Variants in ZKSCAN4 observed in about 807,000 individuals in gnomAD.
ZKSCAN4 encodes zinc finger protein with KRAB and SCAN domains 4.
Under a neutral mutation model 30.8 loss-of-function variants are expected in ZKSCAN4, and 23 were observed. The observed-to-expected ratio is 0.75, with a 90% CI of 0.54 to 1.06. The LOEUF is 1.06. Ranked by LOEUF, ZKSCAN4 falls within the 50% of genes least tolerant of loss-of-function variation. ZKSCAN4 has a pLI of 0.00. For synonymous variants in ZKSCAN4, 208 were observed against 252.5 expected (o/e 0.82, Z 1.67); for missense variants, 556 against 665.4 (o/e 0.84, Z 1.81).
rs1760546191 is a variant in ZKSCAN4, at chr6:28,242,875, T to C, written c.*2241A>G. Reference sequence around the variant, plus strand: ...TCCTCTACAGAGAAGACTTTTAGGCTTGGAGGCGCAGGAGTGAAAGGAGGC... The same window carrying C: ...TCCTCTACAGAGAAGACTTTTAGGCCTGGAGGCGCAGGAGTGAAAGGAGGC... On this transcript the variant is annotated 3_prime_UTR_variant, in exon 5 of 5. Transcript: ENST00000377294. Among the ~76,000 whole-genome samples, 1 of 152,200 alleles carries C rather than the reference T, an allele frequency of 6.6e-6. No homozygotes were observed. Among genetic ancestry groups the C allele is most frequent in the Non-Finnish European group, 1.5e-5 (1 of 68,028 alleles).
chr6:28,255,960 G>A (rs1761163232), upstream of ZKSCAN4, among the ~76,000 whole-genome samples: 1 of 152,122 alleles, frequency 6.6e-6, no homozygotes, highest in Non-Finnish European at 1.5e-5. Context: ...TGATTATGAA[G>A]GAAAATGTCC....
In ZKSCAN4 at chr6:28,245,358, C is replaced by T; in HGVS notation, c.1396G>A (p.Glu466Lys). 6.2e-7 allele frequency: 1 copy of T among 1,614,224 alleles called. No individual in the cohort carries two copies. Among genetic ancestry groups the T allele is most frequent in the Non-Finnish European group, 8.5e-7 (1 of 1,180,048 alleles). The change falls in exon 5 of 5, where the codon GAG becomes AAG. Residue 466 changes from glutamate (E) to lysine (K), a missense_variant. By Grantham distance (56) the Glu-to-Lys change is moderately conservative (BLOSUM62 1). This residue lies in a region of ZKSCAN4 where 433 missense variants were observed against 511.5 expected (regional missense o/e 0.85). Coordinates refer to ENST00000377294, the MANE Select transcript of ZKSCAN4 (RefSeq NM_019110.5). ...GTCCTACCCTGACTTTCCCAGGACTCCCCGTGCTCAGGATTCTGAACATTT... is the reference window on the plus strand; with the variant it reads ...GTCCTACCCTGACTTTCCCAGGACTTCCCGTGCTCAGGATTCTGAACATTT... Reference protein sequence around the residue: ...DKNVQNPEHGESWESQGRTES... With the variant: ...DKNVQNPEHGKSWESQGRTES...
rs763578574 is a variant in ZKSCAN4, at chr6:28,249,577, GCTCT to G, written c.571+106_571+109del. 1 of 1,286,328 alleles carries G rather than the reference GCTCT, an allele frequency of 7.8e-7. No homozygotes were observed. The highest frequency in any genetic ancestry group is 1.8e-5 in the South Asian group (1 of 56,294). The allele number at this position is 1,286,328 out of a possible 1,614,324, so 79.7% of individuals were successfully genotyped here. A position where few individuals can be genotyped will look rare whatever the true frequency, so the allele number is the denominator to read the frequency against. ...CTCTTAGTCTCAGTCTTAAAATACAGCTCTCTGTGATGAGTATATAAAGTAACTG... is the reference window on the plus strand; with the variant it reads ...CTCTTAGTCTCAGTCTTAAAATACAGCTGTGATGAGTATATAAAGTAACTG... On this transcript the variant is annotated intron_variant, in intron 2 of 4. Coordinates refer to ENST00000377294, the MANE Select transcript of ZKSCAN4 (RefSeq NM_019110.5). The surrounding 1 kb of genome is among the most constrained non-coding windows in gnomAD (Gnocchi z 4.1).
chr6:28,245,072 G>A lies in ZKSCAN4; in HGVS notation c.*44C>T, dbSNP rs1760640413. The A allele has an allele frequency of 1.2e-6, 2 of 1,613,718 alleles. No homozygotes were observed. Among genetic ancestry groups the A allele is most frequent in the Non-Finnish European group, 1.7e-6 (2 of 1,179,916 alleles). The stretch of plus-strand genomic sequence containing the variant: ...CATTAAGGGCTCCAGGGTGGCTTCA[G>A]TTCAGTGACAAATGAGCACCAATGT... On this transcript the variant is annotated 3_prime_UTR_variant, in exon 5 of 5. Transcript: ENST00000377294.
At position 28,245,935 on chromosome 6, in the gene ZKSCAN4, G is replaced by C. The variant is rs1581579321; in HGVS notation, c.819C>G (p.Val273=). The change falls in exon 5 of 5, where the codon GTC becomes GTG. Residue 273 remains valine (V), a synonymous_variant. Coordinates refer to ENST00000377294, the MANE Select transcript of ZKSCAN4 (RefSeq NM_019110.5). ...IQTKSRDLPP[V]KKLPEKEHGK... is the part of the protein sequence containing the mutation. ...CATGCTCCTTTTCTGGAAGCTTCTT[G>C]ACTGGAGGCAAGTCCCTGCTCTTAG... The C allele has an allele frequency of 1.2e-6, 2 of 1,614,170 alleles. No homozygotes were observed. The highest frequency in any genetic ancestry group is 4.5e-5 in the East Asian group (2 of 44,884).
At chr6:28,247,492 G>GAA (rs35330207) in intron 3 of ZKSCAN4, among the ~76,000 whole-genome samples, 2 of 151,878 alleles carry the variant, frequency 1.3e-5, no homozygotes, top group African/African-American at 4.8e-5. Flanking sequence ...AAAATTAGGG[G>GAA]AAAAAAAGGA....
chr6:28,257,900 A>G, the ZKSCAN4 span, among the ~76,000 whole-genome samples: 3 of 152,188 alleles, frequency 2.0e-5, no homozygotes, highest in Non-Finnish European at 4.4e-5. Context: ...AGACATATCC[A>G]TTTCATTGGC....
intron 4 of ZKSCAN4, among the ~76,000 whole-genome samples, chr6:28,246,592 T>C (rs1221342936): frequency 1.3e-5 from 2 of 152,104 alleles, no homozygotes; most frequent in African/African-American, 2.4e-5. Flanking sequence ...GTAGTTGATG[T>C]CTAAGGTTGC....
chr6:28,247,073 T>G lies in ZKSCAN4; in HGVS notation c.674A>C (p.Asp225Ala). Residue 225 changes from aspartate to alanine, a missense_variant, in exon 4 of 5, where the codon GAT becomes GCT. Asp to Ala is a moderately radical substitution (Grantham distance 126, BLOSUM62 -2). Transcript: ENST00000377294. ...PGSQGLLKME[D>A]VALTLTPGWT... ...CCCAGGAGTGAGGGTCAGGGCCACA[T>G]CTTCCATTTTCAGCAAACCCTAAAA... 6.2e-7 allele frequency: 1 copy of G among 1,610,070 alleles called. No individual in the cohort carries two copies. The highest frequency in any genetic ancestry group is 8.5e-7 in the Non-Finnish European group (1 of 1,178,246).
chr6:28,256,599 A>C (rs369632570), upstream of ZKSCAN4, among the ~76,000 whole-genome samples: 5 of 152,314 alleles, frequency 3.3e-5, no homozygotes, highest in East Asian at 3.9e-4. Flanking sequence ...TATTTCAAAA[A>C]CTGTCCCTAT....
rs1761024372 is a variant in ZKSCAN4 at position 28,251,943 on chromosome 6, G to T, written c.38C>A (p.Ala13Asp). ...CCCCGTCTGGTCTTCTGCAGACTGG[G>T]CGTCCAGGGCTGCGTTTTTTCTCGG... ...REPRKNAALDAQSAEDQTGLL... is the reference protein window; with the variant it reads ...REPRKNAALDDQSAEDQTGLL... The change falls in exon 1 of 5, where the codon GCC (alanine) becomes GAC (aspartate). Residue 13 changes from alanine to aspartate, a missense_variant. Coordinates refer to ENST00000377294, the MANE Select transcript of ZKSCAN4 (RefSeq NM_019110.5). This position sits in a 1 kb window ranked among gnomAD's most constrained non-coding sequence, Gnocchi z 4.5. 1 of 1,521,940 alleles carries T rather than the reference G, an allele frequency of 6.6e-7. No homozygotes were observed. The highest frequency in any genetic ancestry group is 8.8e-7 in the Non-Finnish European group (1 of 1,139,672). 94.3% of individuals were successfully genotyped at this position (1,521,940 alleles called of 1,614,324 possible). A position where few individuals can be genotyped will look rare whatever the true frequency, so the allele number is the denominator to read the frequency against.
At chr6:28,248,697 A>C (rs1204987286) in intron 2 of ZKSCAN4, among the ~76,000 whole-genome samples, 2 of 151,920 alleles carry the variant, frequency 1.3e-5, no homozygotes, top group African/African-American at 4.8e-5. Flanking sequence ...GTGTAGTGGC[A>C]TGGGCCTGTG....
chr6:28,251,864 C>A lies in ZKSCAN4; in HGVS notation c.117G>T (p.Val39=). ...KEEASALTAE[V]RAPCSPARGP... is the part of the protein sequence containing the mutation. Reference sequence around the variant, plus strand: ...CCCGAGCAGGGCTGCAGGGTGCTCTCACCTCCGCCGTCAAGGCGGAGGCTT... The same window carrying A: ...CCCGAGCAGGGCTGCAGGGTGCTCTAACCTCCGCCGTCAAGGCGGAGGCTT... Residue 39 remains valine (V), a synonymous_variant, in exon 1 of 5, where the codon GTG becomes GTT. Coordinates refer to ENST00000377294, the MANE Select transcript of ZKSCAN4 (RefSeq NM_019110.5). The surrounding 1 kb of genome is among the most constrained non-coding windows in gnomAD (Gnocchi z 4.5). 6.4e-7 allele frequency: 1 copy of A among 1,569,922 alleles called. No individual in the cohort carries two copies. Among genetic ancestry groups the A allele is most frequent in the Non-Finnish European group, 8.6e-7 (1 of 1,161,986 alleles).
At position 28,251,893 on chromosome 6, in the gene ZKSCAN4, CCTT is replaced by C. The variant is rs1761019199; in HGVS notation, c.85_87del (p.Lys29del). ...TCCGCCGTCAAGGCGGAGGCTTCCTCCTTCTCCACCTTCACGGTCAGGAGCCCC... is the reference window on the plus strand; with the variant it reads ...TCCGCCGTCAAGGCGGAGGCTTCCTCCTCCACCTTCACGGTCAGGAGCCCC... On this transcript the variant is annotated inframe_deletion, in exon 1 of 5. Transcript: ENST00000377294. This position sits in a 1 kb window ranked among gnomAD's most constrained non-coding sequence, Gnocchi z 4.5. 1.9e-6 allele frequency: 3 copies of C among 1,540,586 alleles called. No individual in the cohort carries two copies. Among genetic ancestry groups the C allele is most frequent in the African/African-American group, 1.4e-5 (1 of 72,116 alleles).
chr6:28,258,808 G>A, the ZKSCAN4 span, among the ~76,000 whole-genome samples: 9 of 151,220 alleles, frequency 6.0e-5, no homozygotes, highest in Non-Finnish European at 1.2e-4. Context: ...CCTTCACCTA[G>A]CTTAGAGGGT....
the ZKSCAN4 span, among the ~76,000 whole-genome samples, chr6:28,258,110 T>C: frequency 1.8e-4 from 27 of 152,330 alleles, no homozygotes; most frequent in South Asian, 1.7e-3. Flanking sequence ...ACTAAAATTC[T>C]ACTTAGAGCA....
chr6:28,249,817 C>A lies in ZKSCAN4; in HGVS notation c.441G>T (p.Gln147His). The change falls in exon 2 of 5, where the codon CAG (glutamine) becomes CAT (histidine). Residue 147 changes from glutamine (Q) to histidine (H), a missense_variant. Gln to His is a conservative substitution (Grantham distance 24). Transcript: ENST00000377294. This position sits in a 1 kb window ranked among gnomAD's most constrained non-coding sequence, Gnocchi z 4.1. ...EPAPQVPVGD[Q>H]GQELLCCKMA... Reference sequence around the variant, plus strand: ...TCTTGCAACAGAGCAGTTCTTGCCCCTGGTCACCAACGGGAACCTAGAAGT... The same window carrying A: ...TCTTGCAACAGAGCAGTTCTTGCCCATGGTCACCAACGGGAACCTAGAAGT... 3 of 1,613,880 alleles carry A rather than the reference C, an allele frequency of 1.9e-6. No individual in the cohort carries two copies. The highest frequency in any genetic ancestry group is 2.5e-6 in the Non-Finnish European group (3 of 1,179,958).
chr6:28,245,337 T>C lies in ZKSCAN4; in HGVS notation c.1417A>G (p.Arg473Gly). The change falls in exon 5 of 5, where the codon AGG (arginine) becomes GGG (glycine). Residue 473 changes from arginine to glycine, a missense_variant. Arg to Gly is a moderately radical substitution (Grantham distance 125, BLOSUM62 -2). Transcript: ENST00000377294. ...GTATTTTCCCACTGGCTTTCCGTCC[T>C]ACCCTGACTTTCCCAGGACTCCCCG... The part of the protein sequence containing the change: ...EHGESWESQG[R>G]TESQWENTEA... 6.2e-7 allele frequency: 1 copy of C among 1,614,250 alleles called. No homozygotes were observed. Among genetic ancestry groups the C allele is most frequent in the Non-Finnish European group, 8.5e-7 (1 of 1,180,040 alleles).
chr6:28,251,792 C>G lies in ZKSCAN4; in HGVS notation c.189G>C (p.Glu63Asp). The change falls in exon 1 of 5, where the codon GAG becomes GAC. Residue 63 changes from glutamate (E) to aspartate (D), a missense_variant. By Grantham distance (45) the Glu-to-Asp change is conservative (BLOSUM62 2). Around this residue, in one of 3 missense-constraint regions of ZKSCAN4, gnomAD observed 115 missense variants for 125.9 expected, o/e 0.91. Transcript: ENST00000377294. The surrounding 1 kb of genome is among the most constrained non-coding windows in gnomAD (Gnocchi z 4.5). ...RQRFRGFRYP[E>D]AAGPREALSR... ...TCAACGCCTCGCGGGGGCCCGCAGC[C>G]TCCGGGTAGCGGAAGCCTCGGAAGC... 6.2e-7 allele frequency: 1 copy of G among 1,613,856 alleles called. No individual in the cohort carries two copies. The highest frequency in any genetic ancestry group is 8.5e-7 in the Non-Finnish European group (1 of 1,179,812).
Sources: allele counts gnomAD v4.1 joint callset (sites outside exome capture counted in the v4.1 genomes callset), GRCh38; gene constraint gnomAD v4.1.1; regional missense constraint gnomAD v4.1.1; non-coding constraint Gnocchi (gnomAD v3.1); transcripts MANE v1.5; gene names NCBI Gene and HGNC (gene_info 2026-07-23, HGNC 2026-07-21).